The following GPC6 variants were observed in gnomAD, a reference collection of about 807,000 sequenced individuals.
The protein encoded by GPC6 is glypican 6, also known as glypican-6.
GPC6 carries 14 observed loss-of-function variants against 55.2 expected under a neutral mutation model. The ratio of observed to expected loss-of-function variants is 0.25; its 90% CI spans 0.17 to 0.40. The LOEUF (loss-of-function observed/expected upper bound fraction) is 0.40. GPC6 is among the 10% of genes least tolerant of loss of function. The pLI, the probability that GPC6 is intolerant of heterozygous loss-of-function variation, is 1.00. For synonymous variants in GPC6, 278 were observed against 259.6 expected, an observed-to-expected ratio of 1.07 and a Z score of -0.68; for missense variants, 641 against 708.5, an observed-to-expected ratio of 0.90 and a Z score of 1.08.
At chr13:93,578,506 T>C (rs1177333872) in intron 2 of GPC6, among the ~76,000 whole-genome samples, 5 of 152,110 alleles carry the variant, frequency 3.3e-5, no homozygotes, top group South Asian at 2.1e-4. Context: ...TAGTCTCTAA[T>C]GATTCTTTGT....
intron 2 of GPC6, among the ~76,000 whole-genome samples, chr13:93,744,186 C>T (rs961498699): frequency 1.3e-5 from 2 of 152,102 alleles, no homozygotes; most frequent in Non-Finnish European, 2.9e-5. Context: ...CATTGTTGAC[C>T]TTTCCACATG....
intron 3 of GPC6, among the ~76,000 whole-genome samples, chr13:93,998,026 C>T (rs1438062342): frequency 6.6e-6 from 1 of 152,140 alleles, no homozygotes; most frequent in Non-Finnish European, 1.5e-5. Flanking sequence ...TAGTCAATGA[C>T]TGTGAGTAAT....
At chr13:93,787,005 T>C (rs1360674395) in intron 2 of GPC6, among the ~76,000 whole-genome samples, 1 of 152,216 alleles carries the variant, frequency 6.6e-6, no homozygotes, top group African/African-American at 2.4e-5. Flanking sequence ...ATTTTAAGGA[T>C]GTACTGAAAG....
At chr13:94,151,737 G>A (rs1427744770) in intron 4 of GPC6, among the ~76,000 whole-genome samples, 2 of 152,064 alleles carry the variant, frequency 1.3e-5, no homozygotes, top group Non-Finnish European at 2.9e-5. Flanking sequence ...CATTTCCAGA[G>A]CCTTCCTTCG....
At chr13:93,804,753 A>C (rs538969460) in intron 2 of GPC6, among the ~76,000 whole-genome samples, 1 of 152,258 alleles carries the variant, frequency 6.6e-6, no homozygotes, top group East Asian at 1.9e-4. Flanking sequence ...CTCTCTTGAC[A>C]ACTATCCTAG....
intron 2 of GPC6, among the ~76,000 whole-genome samples, chr13:93,712,670 A>G (rs1883111511): frequency 6.6e-6 from 1 of 151,608 alleles, no homozygotes; most frequent in East Asian, 1.9e-4. Flanking sequence ...TATTTCTGAT[A>G]TATTTTGTCC....
At chr13:93,306,650 A>G (rs1878867297) in intron 1 of GPC6, among the ~76,000 whole-genome samples, 1 of 152,120 alleles carries the variant, frequency 6.6e-6, no homozygotes, top group Admixed American at 6.5e-5. Context: ...CTAGATAGTC[A>G]TATGAAATTA....
At chr13:93,663,095 C>CAAAAA (rs35257700) in intron 2 of GPC6, among the ~76,000 whole-genome samples, 1 of 111,174 alleles carries the variant, frequency 9.0e-6, no homozygotes, top group Non-Finnish European at 2.1e-5. Context: ...TGACTGGTTG[C>CAAAAA]AAAAAAAAAA....
At chr13:93,532,439 A>G (rs1881904187) in intron 1 of GPC6, among the ~76,000 whole-genome samples, 1 of 152,192 alleles carries the variant, frequency 6.6e-6, no homozygotes, top group Non-Finnish European at 1.5e-5. Flanking sequence ...AAATTGAATA[A>G]ATTGTATATA....
At chr13:93,849,979 T>C (rs1566568630) in intron 3 of GPC6, among the ~76,000 whole-genome samples, 1 of 152,122 alleles carries the variant, frequency 6.6e-6, no homozygotes, top group East Asian at 1.9e-4. Flanking sequence ...ATTAAGCTGT[T>C]CTGACTTCTG....
At chr13:94,073,768 A>T (rs1298289909) in intron 4 of GPC6, among the ~76,000 whole-genome samples, 1 of 152,192 alleles carries the variant, frequency 6.6e-6, no homozygotes, top group Non-Finnish European at 1.5e-5. Context: ...CTTGAATTTT[A>T]AAAAATTAAA....
chr13:93,798,736 T>C (rs982774704), intron 2 of GPC6, among the ~76,000 whole-genome samples: 1 of 151,862 alleles, frequency 6.6e-6, no homozygotes, highest in South Asian at 2.1e-4. Context: ...CTGGCTAACA[T>C]GGTGAAAACC....
chr13:93,522,096 T>C (rs1022891017), intron 1 of GPC6, among the ~76,000 whole-genome samples: 12 of 151,960 alleles, frequency 7.9e-5, no homozygotes, highest in African/African-American at 2.9e-4. Context: ...GTCAAAATGA[T>C]TGCTGGGTAT....
chr13:93,556,408 G>GTATATATA (rs36113667), intron 2 of GPC6, among the ~76,000 whole-genome samples: 1,521 of 130,886 alleles, frequency 0.012, 27 homozygotes, highest in East Asian at 0.077. Flanking sequence ...GTATGTATAT[G>GTATATATA]TATATATATA....
intron 1 of GPC6, among the ~76,000 whole-genome samples, chr13:93,405,274 A>G (rs1023399014): frequency 1.3e-5 from 2 of 152,100 alleles, no homozygotes; most frequent in African/African-American, 4.8e-5. Flanking sequence ...CACTTTAATT[A>G]CCGGATCTGA....
intron 3 of GPC6, among the ~76,000 whole-genome samples, chr13:94,024,299 A>T (rs1882811915): frequency 6.6e-6 from 1 of 152,120 alleles, no homozygotes; most frequent in Admixed American, 6.5e-5. Context: ...TATTTTTTAA[A>T]CTATTTTTGA....
At chr13:93,364,184 GGT>G (rs533639557) in intron 1 of GPC6, among the ~76,000 whole-genome samples, 39 of 151,880 alleles carry the variant, frequency 2.6e-4, no homozygotes, top group African/African-American at 8.4e-4. Flanking sequence ...CATTGCTTTT[GGT>G]GTTTTAGACA....
intron 1 of GPC6, among the ~76,000 whole-genome samples, chr13:93,305,480 AGAT>A (rs1189276431): frequency 1.3e-5 from 2 of 152,188 alleles, no homozygotes; most frequent in Non-Finnish European, 2.9e-5. Flanking sequence ...GATTTACAGA[AGAT>A]GATAGAATTA....
chr13:93,744,624 C>A (rs1884331024), intron 2 of GPC6, among the ~76,000 whole-genome samples: 1 of 140,450 alleles, frequency 7.1e-6, no homozygotes, highest in African/African-American at 2.6e-5. Context: ...TGACATCAAG[C>A]ACTGTCAAAT....
Sources: gnomAD v4.1 joint callset for allele counts (sites outside exome capture counted in the v4.1 genomes callset) on GRCh38, gnomAD v4.1.1 for gene constraint, MANE v1.5 for transcripts, NCBI Gene and HGNC (gene_info 2026-07-23, HGNC 2026-07-21) for gene names.